HHAT: variants seen among roughly 807,000 people sequenced by gnomAD.
The protein encoded by HHAT is hedgehog acyltransferase, also known as protein-cysteine N-palmitoyltransferase HHAT.
In HHAT, 47 loss-of-function variants were observed where a neutral mutation model predicts 70.8. The observed-to-expected ratio is 0.66, with a 90% CI of 0.53 to 0.85. HHAT has a LOEUF of 0.85. Ranked by LOEUF, HHAT falls within the 40% of genes least tolerant of loss-of-function variation. The pLI is 0.00. For missense variants in HHAT, 609 were observed against 604.8 expected (o/e 1.01, Z -0.07); for synonymous variants, 228 against 247.6 (o/e 0.92, Z 0.74).
At chr1:210,629,491 G>T (rs1670447903) in intron 11 of HHAT, among the ~76,000 whole-genome samples, 1 of 152,218 alleles carries the variant, frequency 6.6e-6, no homozygotes, top group Non-Finnish European at 1.5e-5. Flanking sequence ...TTGCCACATT[G>T]GTTCCCTATG....
intron 5 of HHAT, among the ~76,000 whole-genome samples, chr1:210,402,909 C>T (rs2092147006): frequency 6.6e-6 from 1 of 152,190 alleles, no homozygotes; most frequent in South Asian, 2.1e-4. Context: ...TGACCTGGTT[C>T]CTAGTCTATT....
chr1:210,372,536 G>A (rs1460592077), intron 3 of HHAT, among the ~76,000 whole-genome samples: 1 of 152,180 alleles, frequency 6.6e-6, no homozygotes, highest in Non-Finnish European at 1.5e-5. Flanking sequence ...TCATTAGGTA[G>A]GGAAGTACAA....
intron 7 of HHAT, among the ~76,000 whole-genome samples, chr1:210,452,001 T>G (rs1163436258): frequency 6.6e-6 from 1 of 152,194 alleles, no homozygotes; most frequent in African/African-American, 2.4e-5. Flanking sequence ...AAGGAGAGGC[T>G]AGGATTCTCT....
At chr1:210,554,702 C>G (rs2095557348) in intron 9 of HHAT, among the ~76,000 whole-genome samples, 2 of 152,142 alleles carry the variant, frequency 1.3e-5, no homozygotes, top group African/African-American at 4.8e-5. Flanking sequence ...TCCTTGACTT[C>G]CTCTCTTTTG....
At chr1:210,544,521 C>T (rs112520780) in intron 9 of HHAT, among the ~76,000 whole-genome samples, 40 of 151,908 alleles carry the variant, frequency 2.6e-4, no homozygotes, top group African/African-American at 8.9e-4. Context: ...TACAGGCATG[C>T]GCCACCATGC....
chr1:210,443,127 T>A (rs1339098447), intron 7 of HHAT, among the ~76,000 whole-genome samples: 1 of 152,170 alleles, frequency 6.6e-6, no homozygotes, highest in East Asian at 1.9e-4. Flanking sequence ...CTTGTTTTTC[T>A]CAGGTTTGTC....
intron 7 of HHAT, among the ~76,000 whole-genome samples, chr1:210,457,607 A>G (rs1453937956): frequency 6.6e-6 from 1 of 152,172 alleles, no homozygotes; most frequent in Non-Finnish European, 1.5e-5. Flanking sequence ...ACATGCAAAG[A>G]TGGCAGCTCT....
chr1:210,481,530 G>A (rs559761690), intron 8 of HHAT, among the ~76,000 whole-genome samples: 1 of 152,272 alleles, frequency 6.6e-6, no homozygotes, highest in East Asian at 1.9e-4. Flanking sequence ...ACACAAAAAT[G>A]TGAAAAACAA....
intron 9 of HHAT, among the ~76,000 whole-genome samples, chr1:210,584,375 T>A (rs1402071839): frequency 6.6e-6 from 1 of 152,170 alleles, no homozygotes; most frequent in African/African-American, 2.4e-5. Context: ...TCTTCATCCT[T>A]TTGCAATAGG....
intron 9 of HHAT, among the ~76,000 whole-genome samples, chr1:210,580,488 C>T (rs1192814903): frequency 1.7e-5 from 2 of 117,526 alleles, no homozygotes; most frequent in African/African-American, 6.4e-5. Context: ...GTTCCCTCCC[C>T]CCACCCCCCA....
chr1:210,521,099 C>T (rs2095150113), intron 9 of HHAT, among the ~76,000 whole-genome samples: 1 of 152,092 alleles, frequency 6.6e-6, no homozygotes, highest in Admixed American at 6.5e-5. Context: ...AATTTTTTTC[C>T]ACAAATAGAT....
intron 10 of HHAT, among the ~76,000 whole-genome samples, chr1:210,602,563 A>G (rs1664512310): frequency 6.6e-6 from 1 of 152,158 alleles, no homozygotes; most frequent in East Asian, 1.9e-4. Context: ...GCGGTTAGAG[A>G]GGCCACATGG....
intron 8 of HHAT, among the ~76,000 whole-genome samples, chr1:210,495,583 TTCTC>T (rs984560014): frequency 1.2e-4 from 19 of 152,300 alleles, no homozygotes; most frequent in African/African-American, 4.1e-4. Flanking sequence ...TTCTCCCTCT[TTCTC>T]TATGTATGTA....
intron 3 of HHAT, among the ~76,000 whole-genome samples, 175 bp downstream of exon 3, chr1:210,363,094 C>G (rs892517215): frequency 2.6e-5 from 4 of 152,144 alleles, no homozygotes; most frequent in African/African-American, 9.7e-5. Flanking sequence ...CCCAGGGTCT[C>G]TATGTTCTTG....
In HHAT at chr1:210,472,513, G is replaced by C. The variant is rs572588115; in HGVS notation, c.1007+7858G>C. On this transcript the variant is annotated intron_variant, in intron 8 of 11. Transcript: ENST00000261458. Reference sequence around the variant, plus strand: ...CTGGAGTATGGGGCTTGTGGGACAGGATCTGGAATTTCGGGGTACCTGAGA... The same window carrying C: ...CTGGAGTATGGGGCTTGTGGGACAGCATCTGGAATTTCGGGGTACCTGAGA... 5.1e-4 allele frequency among the ~76,000 whole-genome samples: 78 copies of C among 152,298 alleles called. No homozygotes were observed. In the South Asian group the frequency reaches 7.5e-3, roughly 15 times the overall value.
At chr1:210,571,268 G>T (rs77527350) in intron 9 of HHAT, among the ~76,000 whole-genome samples, 1 of 152,152 alleles carries the variant, frequency 6.6e-6, no homozygotes, top group African/African-American at 2.4e-5. Context: ...TTGGTTACTG[G>T]CCGTTAGATT....
chr1:210,384,964 TGAGA>T (rs997622920), intron 3 of HHAT, among the ~76,000 whole-genome samples: 2 of 152,210 alleles, frequency 1.3e-5, no homozygotes, highest in African/African-American at 4.8e-5. Context: ...AGAATAGACA[TGAGA>T]GAGACATTTT....
At chr1:210,478,875 G>A (rs945315498) in intron 8 of HHAT, among the ~76,000 whole-genome samples, 2 of 152,114 alleles carry the variant, frequency 1.3e-5, no homozygotes, top group African/African-American at 4.8e-5. Flanking sequence ...TCTGGTGCTG[G>A]GAAGCATTTT....
At chr1:210,370,978 A>G (rs1469775760) in intron 3 of HHAT, among the ~76,000 whole-genome samples, 1 of 152,170 alleles carries the variant, frequency 6.6e-6, no homozygotes, top group African/African-American at 2.4e-5. Context: ...CCAGGAAATC[A>G]CTAACATCTT....
Sources: allele counts gnomAD v4.1 joint callset (sites outside exome capture counted in the v4.1 genomes callset), GRCh38; gene constraint gnomAD v4.1.1; transcripts MANE v1.5; gene names NCBI Gene and HGNC (gene_info 2026-07-23, HGNC 2026-07-21).